The following WWOX variants were observed in gnomAD, a reference collection of about 807,000 sequenced individuals.
WWOX encodes the protein WW domain containing oxidoreductase.
WWOX carries 69 observed loss-of-function variants against 46.2 expected under a neutral mutation model. That is an observed-to-expected ratio of 1.49 (90% CI 1.23 to 1.82). The LOEUF is 1.82. WWOX is among the 40% of genes most tolerant of loss of function. The probability of loss-of-function intolerance (pLI) is 0.00; values close to 1 mark genes in which losing one functional copy is unlikely to be tolerated. For synonymous variants in WWOX, 359 were observed against 202.6 expected (o/e 1.77, Z -6.56); for missense variants, 919 against 542.6 (o/e 1.69, Z -6.89).
intron 8 of WWOX, among the ~76,000 whole-genome samples, chr16:78,836,980 G>C (rs777740152): frequency 6.6e-6 from 1 of 152,170 alleles, no homozygotes; most frequent in Non-Finnish European, 1.5e-5. Flanking sequence ...AACAGGGAGA[G>C]TGGAGGTTGT....
intron 8 of WWOX, among the ~76,000 whole-genome samples, chr16:78,864,025 C>T (rs1199179270): frequency 6.6e-6 from 1 of 152,130 alleles, no homozygotes; most frequent in Admixed American, 6.5e-5. Flanking sequence ...TGTTTTTACC[C>T]TTTGACTATT....
At chr16:79,180,377 C>A (rs1206805506) in intron 8 of WWOX, among the ~76,000 whole-genome samples, 1 of 152,172 alleles carries the variant, frequency 6.6e-6, no homozygotes, top group African/African-American at 2.4e-5. Flanking sequence ...ATAAATCTAT[C>A]CGTTAACAGG....
intron 8 of WWOX, among the ~76,000 whole-genome samples, chr16:78,963,019 G>GAA (rs1385612577): frequency 1.3e-5 from 2 of 152,096 alleles, no homozygotes; most frequent in Non-Finnish European, 2.9e-5. Context: ...TTTGTATTAT[G>GAA]AAAAATTGCA....
At chr16:78,313,516 C>T (rs948096913) in intron 5 of WWOX, among the ~76,000 whole-genome samples, 4 of 152,172 alleles carry the variant, frequency 2.6e-5, no homozygotes, top group African/African-American at 9.7e-5. Flanking sequence ...CAGGCATGTG[C>T]CACCACACCC....
At chr16:78,310,182 C>T (rs187644671) in intron 5 of WWOX, among the ~76,000 whole-genome samples, 8 of 152,106 alleles carry the variant, frequency 5.3e-5, no homozygotes, top group African/African-American at 4.8e-5. Context: ...CAGAATTTTC[C>T]GTAAGAACAT....
chr16:78,611,499 C>T (rs1029837717), intron 8 of WWOX, among the ~76,000 whole-genome samples: 8 of 152,302 alleles, frequency 5.3e-5, no homozygotes, highest in African/African-American at 2.4e-5. Flanking sequence ...CCTCCCTGCC[C>T]TCCTCCTTCC....
At chr16:78,632,062 G>A (rs1217140218) in intron 8 of WWOX, among the ~76,000 whole-genome samples, 1 of 152,060 alleles carries the variant, frequency 6.6e-6, no homozygotes, top group African/African-American at 2.4e-5. Context: ...CTTGGTCCAT[G>A]AAATCCAGAA....
chr16:78,999,579 A>G (rs948478774), intron 8 of WWOX, among the ~76,000 whole-genome samples: 1 of 152,194 alleles, frequency 6.6e-6, no homozygotes, highest in Admixed American at 6.5e-5. Flanking sequence ...TATTCAGGGG[A>G]GAGAGACCCT....
At chr16:78,648,134 G>A (rs1445241479) in intron 8 of WWOX, among the ~76,000 whole-genome samples, 1 of 152,202 alleles carries the variant, frequency 6.6e-6, no homozygotes, top group Non-Finnish European at 1.5e-5. Flanking sequence ...TATGTTGAAA[G>A]GTGACTGAAT....
intron 5 of WWOX, among the ~76,000 whole-genome samples, chr16:78,177,578 A>G (rs560214693): frequency 2.0e-5 from 3 of 152,294 alleles, no homozygotes; most frequent in Admixed American, 2.0e-4. Context: ...TGTCCTGGGA[A>G]TGGAGATGTC....
intron 8 of WWOX, among the ~76,000 whole-genome samples, chr16:78,949,963 A>T (rs369416124): frequency 4.6e-5 from 7 of 152,310 alleles, no homozygotes; most frequent in African/African-American, 1.7e-4. Flanking sequence ...TTCATGCATT[A>T]TTTAACCTAG....
intron 8 of WWOX, among the ~76,000 whole-genome samples, chr16:78,527,882 A>G (rs2043515460): frequency 1.3e-5 from 2 of 151,824 alleles, no homozygotes; most frequent in East Asian, 1.9e-4. Flanking sequence ...AGGATCCTGC[A>G]GTGCAAAGGA....
chr16:78,993,156 T>C (rs1476211293), intron 8 of WWOX, among the ~76,000 whole-genome samples: 1 of 152,122 alleles, frequency 6.6e-6, no homozygotes, highest in Non-Finnish European at 1.5e-5. Flanking sequence ...TGTCTGATAA[T>C]TGCAGAGAGA....
intron 5 of WWOX, among the ~76,000 whole-genome samples, chr16:78,196,293 T>G (rs1410546581): frequency 1.3e-5 from 2 of 152,262 alleles, no homozygotes; most frequent in Non-Finnish European, 2.9e-5. Flanking sequence ...ACTAAGTGTT[T>G]ATAGTACATT....
At chr16:78,784,586 C>G (rs1422135255) in intron 8 of WWOX, among the ~76,000 whole-genome samples, 2 of 152,148 alleles carry the variant, frequency 1.3e-5, no homozygotes, top group Non-Finnish European at 2.9e-5. Context: ...GGAATTGTCG[C>G]AAAGAGCTGT....
rs529140351 is a variant in WWOX at position 78,814,467 on chromosome 16, C to T, written c.1056+381715C>T. Among the ~76,000 whole-genome samples, 9 of 151,020 alleles carry T rather than the reference C, an allele frequency of 6.0e-5. No individual in the cohort carries two copies. The South Asian group carries it at 1.7e-3, about 28-fold the overall frequency. On this transcript the variant is annotated intron_variant, in intron 8 of 8. Transcript: ENST00000566780. ...GTGATGAAACTACCAAGAAGCCTCTCTTGAAAAAAAAAAAATTAAGTGAAC... is the reference window on the plus strand; with the variant it reads ...GTGATGAAACTACCAAGAAGCCTCTTTTGAAAAAAAAAAAATTAAGTGAAC...
chr16:78,182,322 G>A (rs1161034798), intron 5 of WWOX, among the ~76,000 whole-genome samples: 3 of 152,060 alleles, frequency 2.0e-5, no homozygotes, highest in African/African-American at 7.2e-5. Context: ...GAAATGCTTG[G>A]GGCTCTGCCT....
intron 8 of WWOX, among the ~76,000 whole-genome samples, chr16:78,454,722 C>G (rs1157504442): frequency 6.6e-6 from 1 of 152,136 alleles, no homozygotes; most frequent in Non-Finnish European, 1.5e-5. Flanking sequence ...GTCTCGAACT[C>G]TCAACGTCAG....
At chr16:78,832,388 C>G (rs561376479) in intron 8 of WWOX, among the ~76,000 whole-genome samples, 5 of 152,158 alleles carry the variant, frequency 3.3e-5, no homozygotes, top group Non-Finnish European at 7.3e-5. Flanking sequence ...CATGCACTGT[C>G]AAGCACCGTA....
Sources: gnomAD v4.1 joint callset for allele counts (sites outside exome capture counted in the v4.1 genomes callset) on GRCh38, gnomAD v4.1.1 for gene constraint, MANE v1.5 for transcripts, NCBI Gene and HGNC (gene_info 2026-07-23, HGNC 2026-07-21) for gene names.